The following SORBS2 variants were observed in gnomAD, a reference collection of about 807,000 sequenced individuals.
SORBS2 encodes sorbin and SH3 domain-containing protein 2.
SORBS2 carries 46 observed loss-of-function variants against 97.7 expected under a neutral mutation model. That is an observed-to-expected ratio of 0.47 (90% CI 0.37 to 0.60). The LOEUF (loss-of-function observed/expected upper bound fraction) is 0.60. Among genes scored for constraint, SORBS2 ranks in the 20% least tolerant of loss-of-function variants. The pLI is 0.00. For missense variants in SORBS2, 1,316 were observed against 1,282.3 expected, an observed-to-expected ratio of 1.03 and a Z score of -0.40; for synonymous variants, 476 against 473.4, an observed-to-expected ratio of 1.01 and a Z score of -0.07.
At chr4:185,865,383 C>T (rs1239555642) in intron 1 of SORBS2, among the ~76,000 whole-genome samples, 2 of 152,162 alleles carry the variant, frequency 1.3e-5, no homozygotes, top group East Asian at 3.9e-4. Flanking sequence ...TCATCAACAC[C>T]CACTAATTTA....
chr4:185,867,655 C>T (rs2648115), intron 1 of SORBS2, among the ~76,000 whole-genome samples: 59,853 of 151,718 alleles, frequency 0.39, 12,254 homozygotes, highest in Middle Eastern at 0.45. Flanking sequence ...TCCCTGCTTG[C>T]TTGCTTCCTT....
At chr4:185,830,849 C>T (rs1160948698) in intron 1 of SORBS2, among the ~76,000 whole-genome samples, 2 of 152,174 alleles carry the variant, frequency 1.3e-5, no homozygotes, top group Admixed American at 1.3e-4. Flanking sequence ...GGTGGCTGGA[C>T]ATTTTTCTAC....
chr4:185,602,032 G>A (rs912051372), intron 12 of SORBS2, among the ~76,000 whole-genome samples: 2 of 152,118 alleles, frequency 1.3e-5, no homozygotes, highest in African/African-American at 4.8e-5. Context: ...TTTTTTTTGA[G>A]ATGGAGTCTC....
intron 12 of SORBS2, 39 bp downstream of exon 24, chr4:185,611,741 C>G: frequency 6.6e-7 from 1 of 1,510,230 alleles, no homozygotes; most frequent in African/African-American, 1.4e-5. Flanking sequence ...TTACTTGGAG[C>G]TTCCAATATT....
chr4:185,791,914 C>T (rs2099081982), intron 1 of SORBS2, among the ~76,000 whole-genome samples: 1 of 152,164 alleles, frequency 6.6e-6, no homozygotes, highest in South Asian at 2.1e-4. Context: ...GTAAAACCAC[C>T]ACTGCCAGTA....
At chr4:185,683,750 C>T (rs962689370) in intron 2 of SORBS2, among the ~76,000 whole-genome samples, 15 of 151,984 alleles carry the variant, frequency 9.9e-5, no homozygotes, top group African/African-American at 2.7e-4. Flanking sequence ...AGGTGGTGAA[C>T]GGAAGTGGGA....
At chr4:185,748,126 G>C (rs1278605906) in intron 2 of SORBS2, among the ~76,000 whole-genome samples, 1 of 152,172 alleles carries the variant, frequency 6.6e-6, no homozygotes, top group East Asian at 1.9e-4. Flanking sequence ...GTGGCCCACT[G>C]TAAGGTAGAG....
At chr4:185,655,201 T>A (rs1262236244) in intron 1 of SORBS2, among the ~76,000 whole-genome samples, 1 of 152,188 alleles carries the variant, frequency 6.6e-6, no homozygotes, top group East Asian at 1.9e-4. Flanking sequence ...AGCTCAAAAG[T>A]ACTGTTTGTT....
chr4:185,924,805 G>A (rs781447956), intron 1 of SORBS2, among the ~76,000 whole-genome samples: 8 of 152,104 alleles, frequency 5.3e-5, no homozygotes, highest in Non-Finnish European at 1.0e-4. Flanking sequence ...CACTCCCTCC[G>A]TCTCTATACT....
chr4:185,931,441 T>C (rs1358025774), intron 1 of SORBS2, among the ~76,000 whole-genome samples: 1 of 152,118 alleles, frequency 6.6e-6, no homozygotes, highest in Admixed American at 6.5e-5. Flanking sequence ...GTGACTGAGC[T>C]CAACTCCAAC....
intron 1 of SORBS2, among the ~76,000 whole-genome samples, chr4:185,878,994 C>T (rs1032612419): frequency 7.2e-5 from 11 of 152,148 alleles, no homozygotes; most frequent in Non-Finnish European, 1.3e-4. Context: ...CTATCCGTTA[C>T]TCGGCTTTGT....
chr4:185,620,254 GGA>G (rs2096698018), intron 7 of SORBS2, 103 bp from the exon 20 acceptor site: 3 of 771,190 alleles, frequency 3.9e-6, no homozygotes, highest in Non-Finnish European at 7.0e-6. Flanking sequence ...CCCCAAATTT[GGA>G]GAGACACCGT....
chr4:185,656,179 T>C (rs2153466009), intron 1 of SORBS2, among the ~76,000 whole-genome samples: 1 of 152,306 alleles, frequency 6.6e-6, no homozygotes, highest in South Asian at 2.1e-4. Context: ...ATGGCAATCG[T>C]CAGTTTCAAG....
At chr4:185,857,960 GC>G (rs1443454192) in intron 1 of SORBS2, among the ~76,000 whole-genome samples, 1 of 152,092 alleles carries the variant, frequency 6.6e-6, no homozygotes. Flanking sequence ...ATCTTGCTCT[GC>G]CTTTGCCTTG....
At chr4:185,702,223 G>A (rs988468864) in intron 2 of SORBS2, among the ~76,000 whole-genome samples, 3 of 152,050 alleles carry the variant, frequency 2.0e-5, no homozygotes, top group Non-Finnish European at 2.9e-5. Context: ...TGCACGGGAC[G>A]CATGGCACTG....
intron 1 of SORBS2, among the ~76,000 whole-genome samples, chr4:185,805,872 G>A (rs1008996886): frequency 2.6e-5 from 4 of 152,186 alleles, no homozygotes; most frequent in African/African-American, 9.6e-5. Flanking sequence ...CACAACAACA[G>A]CTGAGGTTAT....
chr4:185,593,803 C>A (rs2096017088), intron 13 of SORBS2, 83 bp downstream of exon 25: 1 of 870,082 alleles, frequency 1.1e-6, no homozygotes, highest in Non-Finnish European at 2.0e-6. Flanking sequence ...ACGTGCAAAG[C>A]CATACATCTT....
At chr4:185,593,307 C>G (rs531120940) in intron 13 of SORBS2, 18 of 152,572 alleles carry the variant, frequency 1.2e-4, no homozygotes, top group African/African-American at 4.3e-4. Context: ...CACCTTCAGG[C>G]TGATTTAACT....
chr4:185,925,514 T>C (rs1278208511), intron 1 of SORBS2, among the ~76,000 whole-genome samples: 1 of 152,244 alleles, frequency 6.6e-6, no homozygotes, highest in Non-Finnish European at 1.5e-5. Context: ...TTATAACTTT[T>C]GCTTGCATTC....
Sources: allele counts gnomAD v4.1 joint callset (sites outside exome capture counted in the v4.1 genomes callset), GRCh38; gene constraint gnomAD v4.1.1; transcripts MANE v1.5; gene names NCBI Gene and HGNC (gene_info 2026-07-23, HGNC 2026-07-21).